PIK3C2G: variants seen among roughly 807,000 people sequenced by gnomAD.
PIK3C2G encodes the protein phosphatidylinositol 3-kinase C2 domain-containing subunit gamma.
Under a neutral mutation model 181.1 loss-of-function variants are expected in PIK3C2G, and 168 were observed. That is an observed-to-expected ratio of 0.93 (90% confidence interval 0.82 to 1.05). The LOEUF (loss-of-function observed/expected upper bound fraction) is 1.05. Ranked by LOEUF, PIK3C2G falls within the 50% of genes least tolerant of loss-of-function variation. The probability of loss-of-function intolerance (pLI) is 0.00; values close to 1 mark genes in which losing one functional copy is unlikely to be tolerated. For synonymous variants in PIK3C2G, 573 were observed against 592.2 expected (o/e 0.97, Z 0.47); for missense variants, 1,869 against 1,732.8 (o/e 1.08, Z -1.40).
intron 11 of PIK3C2G, among the ~76,000 whole-genome samples, chr12:18,352,188 T>G (rs3923587): frequency 0.12 from 17,934 of 152,224 alleles, 1,435 homozygotes; most frequent in Admixed American, 0.25. Context: ...TTTTGCAGAT[T>G]AAGAAATTAC....
At chr12:18,708,938 A>AT in the PIK3C2G span, among the ~76,000 whole-genome samples, 1,085 of 151,876 alleles carry the variant, frequency 7.1e-3, 11 homozygotes, top group African/African-American at 0.025. Flanking sequence ...GTTTGCAAAT[A>AT]TTTTTTCCCC....
chr12:18,286,931 T>A lies in PIK3C2G; in HGVS notation c.761+2T>A. 6.6e-7 allele frequency: 1 copy of A among 1,508,902 alleles called. No homozygotes were observed. Among genetic ancestry groups the A allele is most frequent in the South Asian group, 1.3e-5 (1 of 79,690 alleles). The allele number at this position is 1,508,902 out of a possible 1,614,324, so 93.5% of individuals were successfully genotyped here. On this transcript the variant is annotated splice_donor_variant, in intron 3 of 32. Coordinates refer to ENST00000538779, the MANE Select transcript of PIK3C2G (RefSeq NM_001288772.2). LOFTEE classifies it high-confidence loss of function. ...CTCTTTTTGCAACAAAGTAAAAAAGTGAGTACTGGTATTTCATTAAACTTT... is the reference window on the plus strand; with the variant it reads ...CTCTTTTTGCAACAAAGTAAAAAAGAGAGTACTGGTATTTCATTAAACTTT...
At chr12:18,700,512 C>CAAAAAAAAAA in the PIK3C2G span, among the ~76,000 whole-genome samples, 126 of 67,892 alleles carry the variant, frequency 1.9e-3, 12 homozygotes, top group South Asian at 4.5e-3. Context: ...AGCCAACGTA[C>CAAAAAAAAAA]AAAAAAAAAA....
chr12:18,269,912 CTT>C (rs367550750), intron 1 of PIK3C2G, among the ~76,000 whole-genome samples: 5 of 136,918 alleles, frequency 3.7e-5, no homozygotes, highest in Non-Finnish European at 7.8e-5. Flanking sequence ...TTTTTCTTTT[CTT>C]TTTTTTTTTT....
chr12:18,248,527 CGCCACTGCACTCCA>C (rs1216768986), intron 1 of PIK3C2G, among the ~76,000 whole-genome samples: 1 of 152,100 alleles, frequency 6.6e-6, no homozygotes. Flanking sequence ...GCCGAGATCG[CGCCACTGCACTCCA>C]GCCTGGGTGA....
intron 22 of PIK3C2G, among the ~76,000 whole-genome samples, chr12:18,501,461 G>A (rs2136106284): frequency 6.6e-6 from 1 of 152,256 alleles, no homozygotes; most frequent in Middle Eastern, 3.4e-3. Context: ...CACACGTGGG[G>A]ATTATGGGGA....
intron 11 of PIK3C2G, 146 bp from the exon 12 acceptor site, chr12:18,362,618 A>G: frequency 1.7e-6 from 1 of 589,070 alleles, no homozygotes; most frequent in Non-Finnish European, 2.7e-6. Flanking sequence ...CTCAGCCTAA[A>G]TTCTTAAAGC....
At chr12:18,696,079 T>G in the PIK3C2G span, 1 of 876,736 alleles carries the variant, frequency 1.1e-6, no homozygotes. Context: ...TTCACGAGTT[T>G]TTCATACATT....
chr12:18,474,539 C>A (rs1458993438), intron 18 of PIK3C2G, among the ~76,000 whole-genome samples: 1 of 151,954 alleles, frequency 6.6e-6, no homozygotes, highest in Non-Finnish European at 1.5e-5. Context: ...TCTATTTTCC[C>A]AATTTGTGAA....
At chr12:18,390,169 G>C (rs538599829) in intron 14 of PIK3C2G, among the ~76,000 whole-genome samples, 3 of 152,016 alleles carry the variant, frequency 2.0e-5, no homozygotes, top group Non-Finnish European at 4.4e-5. Flanking sequence ...AAACGTTAGA[G>C]GTTATAGAAT....
the PIK3C2G span, among the ~76,000 whole-genome samples, chr12:18,662,728 G>C: frequency 1.5e-4 from 23 of 152,202 alleles, no homozygotes; most frequent in African/African-American, 5.5e-4. Flanking sequence ...GGTCTAGTCT[G>C]TAAAGGAGCA....
the PIK3C2G span, chr12:18,694,163 T>TG: frequency 1.4e-6 from 1 of 707,614 alleles, no homozygotes; most frequent in Non-Finnish European, 2.4e-6. Context: ...GGGATGAGGC[T>TG]GGGGGAGTTG....
At chr12:18,347,325 T>C (rs559013281) in intron 11 of PIK3C2G, among the ~76,000 whole-genome samples, 121 of 152,296 alleles carry the variant, frequency 7.9e-4, no homozygotes, top group Non-Finnish European at 7.4e-5. Context: ...TGCGTTTCAA[T>C]AGAAATGAAC....
intron 18 of PIK3C2G, among the ~76,000 whole-genome samples, chr12:18,430,807 A>T (rs534503173): frequency 5.1e-4 from 77 of 152,306 alleles, no homozygotes; most frequent in Non-Finnish European, 1.0e-3. Context: ...AAGTTGATGG[A>T]GCAGCATCTT....
At chr12:18,464,693 A>G (rs1937663259) in intron 18 of PIK3C2G, among the ~76,000 whole-genome samples, 2 of 152,118 alleles carry the variant, frequency 1.3e-5, no homozygotes, top group South Asian at 4.1e-4. Flanking sequence ...AACCCTGCAT[A>G]AATAGAATTG....
At chr12:18,577,832 AAAAT>A (rs1350190134) in intron 29 of PIK3C2G, among the ~76,000 whole-genome samples, 1 of 152,202 alleles carries the variant, frequency 6.6e-6, no homozygotes, top group Non-Finnish European at 1.5e-5. Context: ...TCTGGACTAC[AAAAT>A]AAATAAAGTA....
intron 16 of PIK3C2G, among the ~76,000 whole-genome samples, chr12:18,411,350 C>T (rs1944859885): frequency 6.6e-6 from 1 of 152,054 alleles, no homozygotes; most frequent in Non-Finnish European, 1.5e-5. Flanking sequence ...ACTGCTTATA[C>T]TCCGAGTTTG....
chr12:18,648,086 G>T lies in PIK3C2G; in HGVS notation c.*58G>T. 2 of 1,071,102 alleles carry T rather than the reference G, an allele frequency of 1.9e-6. No individual in the cohort carries two copies. The highest frequency in any genetic ancestry group is 1.3e-6 in the Non-Finnish European group (1 of 772,208). 66.3% of individuals were successfully genotyped at this position (1,071,102 alleles called of 1,614,324 possible). A position where few individuals can be genotyped will look rare whatever the true frequency, so the allele number is the denominator to read the frequency against. ...CTACTTGTATTTTTTTCACTTCTGG[G>T]CCTCTGAATCACATAAGTAAGGCAT... On this transcript the variant is annotated 3_prime_UTR_variant, in exon 33 of 33. Transcript: ENST00000538779.
chr12:18,260,583 G>A (rs1186626378), upstream of PIK3C2G, among the ~76,000 whole-genome samples: 1 of 151,888 alleles, frequency 6.6e-6, no homozygotes, highest in Non-Finnish European at 1.5e-5. Context: ...TCCATGAGTA[G>A]CCCTGAAAGT....
Sources: gnomAD v4.1 joint callset for allele counts (sites outside exome capture counted in the v4.1 genomes callset) on GRCh38, gnomAD v4.1.1 for gene constraint, MANE v1.5 for transcripts, NCBI Gene and HGNC (gene_info 2026-07-23, HGNC 2026-07-21) for gene names.